NNMT: variants seen among roughly 807,000 people sequenced by gnomAD.
NNMT encodes nicotinamide N-methyltransferase.
NNMT carries 10 observed loss-of-function variants against 11.7 expected under a neutral mutation model. That is an observed-to-expected ratio of 0.85 (90% CI 0.53 to 1.45). NNMT has a LOEUF of 1.45. Among genes scored for constraint, NNMT ranks in the 40% most tolerant of loss-of-function variants. The pLI is 0.00. For missense variants in NNMT, 381 were observed against 319.4 expected (o/e 1.19, Z -1.47); for synonymous variants, 143 against 133.8 (o/e 1.07, Z -0.48).
chr11:114,290,440 G>C (rs1279480769), intron 2 of NNMT, among the ~76,000 whole-genome samples: 1 of 151,958 alleles, frequency 6.6e-6, no homozygotes, highest in Non-Finnish European at 1.5e-5. Context: ...ATTATTTTGT[G>C]GTGTCTAAAA....
intron 2 of NNMT, among the ~76,000 whole-genome samples, chr11:114,281,022 C>T (rs1306681939): frequency 2.0e-5 from 3 of 152,172 alleles, no homozygotes; most frequent in Non-Finnish European, 4.4e-5. Context: ...GAAGCTGAGG[C>T]CCAGGAAAGC....
At chr11:114,286,710 C>G (rs1945303123) in intron 2 of NNMT, among the ~76,000 whole-genome samples, 1 of 152,086 alleles carries the variant, frequency 6.6e-6, no homozygotes, top group Admixed American at 6.6e-5. Context: ...TAGGTTGTTT[C>G]TAGTTGGGGG....
upstream of NNMT, among the ~76,000 whole-genome samples, chr11:114,295,214 C>A (rs1405892755): frequency 1.3e-5 from 2 of 152,098 alleles, no homozygotes; most frequent in Non-Finnish European, 2.9e-5. Context: ...AGGTGGGACA[C>A]CCGGCAACAT....
intron 2 of NNMT, among the ~76,000 whole-genome samples, chr11:114,290,420 C>T (rs1171173154): frequency 3.3e-5 from 5 of 152,094 alleles, no homozygotes. Context: ...AGTTAATACA[C>T]TTTGATTATA....
chr11:114,276,378 G>A (rs1945213568), intron 2 of NNMT, among the ~76,000 whole-genome samples: 1 of 152,174 alleles, frequency 6.6e-6, no homozygotes, highest in South Asian at 2.1e-4. Context: ...GTTCTCTGTG[G>A]CCCGGCGAAG....
At chr11:114,263,315 T>C (rs1227139782) in intron 2 of NNMT, among the ~76,000 whole-genome samples, 1 of 152,178 alleles carries the variant, frequency 6.6e-6, no homozygotes, top group Non-Finnish European at 1.5e-5. Flanking sequence ...TATTTTCTCT[T>C]TTCTCTTTTC....
intron 2 of NNMT, among the ~76,000 whole-genome samples, chr11:114,284,653 G>A (rs537876266): frequency 1.3e-5 from 2 of 151,370 alleles, no homozygotes; most frequent in South Asian, 4.2e-4. Flanking sequence ...TAGTAGAGAC[G>A]GGGTTTCACC....
intron 2 of NNMT, among the ~76,000 whole-genome samples, chr11:114,276,345 G>A (rs1565720754): frequency 4.6e-5 from 7 of 152,228 alleles, no homozygotes; most frequent in South Asian, 4.1e-4. Flanking sequence ...CCACTTCCAC[G>A]ACTGCCCAGT....
At chr11:114,294,215 G>A (rs538454953), upstream of NNMT, among the ~76,000 whole-genome samples, 48 of 152,228 alleles carry the variant, frequency 3.2e-4, no homozygotes, top group South Asian at 9.5e-3. Context: ...AGGCGCAGTG[G>A]CTCACGCCTG....
chr11:114,259,921 G>A (rs532584697), intron 1 of NNMT, among the ~76,000 whole-genome samples: 1 of 152,300 alleles, frequency 6.6e-6, no homozygotes, highest in East Asian at 1.9e-4. Context: ...AGGGTGGAGA[G>A]ATGCAGCCTG....
At chr11:114,272,221 A>G (rs1945174971) in intron 2 of NNMT, among the ~76,000 whole-genome samples, 1 of 152,126 alleles carries the variant, frequency 6.6e-6, no homozygotes, top group Admixed American at 6.5e-5. Flanking sequence ...GTGGATTGTG[A>G]GCCCATAGCC....
chr11:114,268,359 G>A (rs10891641), intron 2 of NNMT, among the ~76,000 whole-genome samples: 50,386 of 152,014 alleles, frequency 0.33, 9,917 homozygotes, highest in African/African-American at 0.55. Context: ...CTTGTTCACA[G>A]AGTTCCCTCT....
intron 1 of NNMT, among the ~76,000 whole-genome samples, chr11:114,261,869 T>C (rs556117125): frequency 1.3e-5 from 2 of 152,184 alleles, no homozygotes; most frequent in African/African-American, 4.8e-5. Flanking sequence ...GAAGCTGCTG[T>C]CAGTCAGCCC....
chr11:114,307,732 C>CCA (rs1269826094), intron 2 of NNMT, among the ~76,000 whole-genome samples: 29 of 152,198 alleles, frequency 1.9e-4, no homozygotes. Flanking sequence ...GTGTTTCCTG[C>CCA]CACCACGTGG....
chr11:114,276,780 C>T (rs776243347), intron 2 of NNMT, among the ~76,000 whole-genome samples: 3 of 152,196 alleles, frequency 2.0e-5, no homozygotes, highest in Admixed American at 6.5e-5. Context: ...CTCACCCCTG[C>T]GAATACTGCA....
At chr11:114,262,126 C>A (rs371909763) in intron 1 of NNMT, among the ~76,000 whole-genome samples, 1 of 152,166 alleles carries the variant, frequency 6.6e-6, no homozygotes, top group Non-Finnish European at 1.5e-5. Flanking sequence ...CCTAGAAAAC[C>A]CATAATGGAG....
In NNMT at chr11:114,298,069, G is replaced by A; in HGVS notation, c.273G>A (p.Leu91=). The change falls in exon 2 of 3, where the codon CTG becomes CTA. Residue 91 remains leucine, a synonymous_variant. Transcript: ENST00000299964. ...TCACTGACTACTCAGACCAGAACCT[G>A]CAGGAGCTGGAGAAGTGGCTGAAGA... The part of the protein sequence containing the change: ...IVVTDYSDQN[L]QELEKWLKKE... 1.2e-6 allele frequency: 2 copies of A among 1,614,130 alleles called. No individual in the cohort carries two copies. The highest frequency in any genetic ancestry group is 1.7e-6 in the Non-Finnish European group (2 of 1,180,030).
At chr11:114,288,148 A>G (rs1945311444) in intron 2 of NNMT, among the ~76,000 whole-genome samples, 1 of 152,134 alleles carries the variant, frequency 6.6e-6, no homozygotes, top group South Asian at 2.1e-4. Context: ...CTCTCTCTAT[A>G]TCATCATGTT....
chr11:114,278,369 G>A (rs1384207233), intron 2 of NNMT, among the ~76,000 whole-genome samples: 1 of 152,126 alleles, frequency 6.6e-6, no homozygotes, highest in Non-Finnish European at 1.5e-5. Context: ...CCTACTACCA[G>A]GTCCCACCTC....
Sources: allele counts gnomAD v4.1 joint callset (sites outside exome capture counted in the v4.1 genomes callset), GRCh38; gene constraint gnomAD v4.1.1; transcripts MANE v1.5; gene names NCBI Gene and HGNC (gene_info 2026-07-23, HGNC 2026-07-21).